The following CTNNA2 variants were observed in gnomAD, a reference collection of about 807,000 sequenced individuals.
CTNNA2 encodes the protein catenin alpha-2.
CTNNA2 carries 42 observed loss-of-function variants against 101.0 expected under a neutral mutation model. The ratio of observed to expected loss-of-function variants is 0.42; its 90% CI spans 0.32 to 0.54. CTNNA2 has a LOEUF of 0.54. Ranked by LOEUF, CTNNA2 falls within the 20% of genes least tolerant of loss-of-function variation. The probability of loss-of-function intolerance (pLI) is 0.14; values close to 1 mark genes in which losing one functional copy is unlikely to be tolerated. For synonymous variants in CTNNA2, 450 were observed against 456.4 expected (o/e 0.99, Z 0.18); for missense variants, 871 against 1,223.1 (o/e 0.71, Z 4.29).
intron 1 of CTNNA2, among the ~76,000 whole-genome samples, chr2:79,192,082 T>C (rs1431279990): frequency 6.6e-6 from 1 of 150,652 alleles, no homozygotes; most frequent in Non-Finnish European, 1.5e-5. Context: ...TATTCCTTCT[T>C]TTTTTTTTCC....
chr2:80,215,471 C>G (rs530891727), intron 7 of CTNNA2, among the ~76,000 whole-genome samples: 18 of 152,268 alleles, frequency 1.2e-4, no homozygotes, highest in African/African-American at 4.1e-4. Context: ...TGTTAGTTTT[C>G]CTTCTAACAG....
chr2:80,099,652 A>G (rs1352694865), intron 7 of CTNNA2, among the ~76,000 whole-genome samples: 1 of 152,046 alleles, frequency 6.6e-6, no homozygotes, highest in Non-Finnish European at 1.5e-5. Flanking sequence ...CAGATTGCAG[A>G]TCAGTTTAGA....
At chr2:80,031,808 A>T (rs1419485544) in intron 7 of CTNNA2, among the ~76,000 whole-genome samples, 1 of 152,236 alleles carries the variant, frequency 6.6e-6, no homozygotes, top group South Asian at 2.1e-4. Context: ...TGTTTAAATA[A>T]TTCTAATTGA....
chr2:79,793,763 C>G (rs997093470), intron 3 of CTNNA2, among the ~76,000 whole-genome samples: 2 of 152,074 alleles, frequency 1.3e-5, no homozygotes, highest in African/African-American at 4.8e-5. Flanking sequence ...TGGGCCAACC[C>G]AAATTATAGT....
chr2:79,684,518 T>C lies in CTNNA2; in HGVS notation c.102+32860T>C, dbSNP rs927375235. ...TTAAACTATTTTCAGACATAATGTATGTAAAGTGCTTAGCAAATACTCTGG... is the reference window on the plus strand; with the variant it reads ...TTAAACTATTTTCAGACATAATGTACGTAAAGTGCTTAGCAAATACTCTGG... On this transcript the variant is annotated intron_variant, in intron 2 of 18. Coordinates refer to ENST00000402739, the MANE Select transcript of CTNNA2 (RefSeq NM_001282597.3). 1.1e-4 allele frequency among the ~76,000 whole-genome samples: 17 copies of C among 152,200 alleles called. 1 individual carries two copies. Among genetic ancestry groups the C allele is most frequent in the African/African-American group, 4.1e-4 (17 of 41,454 alleles).
chr2:79,277,569 GC>G (rs1675245392), intron 2 of CTNNA2, among the ~76,000 whole-genome samples: 1 of 152,046 alleles, frequency 6.6e-6, no homozygotes, highest in African/African-American at 2.4e-5. Context: ...CAACCCATGT[GC>G]CTATGTTATG....
At chr2:79,535,309 A>C (rs1672987768) in intron 1 of CTNNA2, among the ~76,000 whole-genome samples, 1 of 151,924 alleles carries the variant, frequency 6.6e-6, no homozygotes, top group African/African-American at 2.4e-5. Context: ...GGTTCAAGTG[A>C]TTCTCCTGCC....
At chr2:80,101,387 C>A (rs1348263437) in intron 7 of CTNNA2, among the ~76,000 whole-genome samples, 1 of 152,154 alleles carries the variant, frequency 6.6e-6, no homozygotes, top group Non-Finnish European at 1.5e-5. Flanking sequence ...TCTGCCAAAC[C>A]ATCTCACACT....
intron 7 of CTNNA2, among the ~76,000 whole-genome samples, chr2:80,190,318 G>C (rs776531521): frequency 6.5e-4 from 99 of 152,066 alleles, no homozygotes; most frequent in Non-Finnish European, 2.1e-4. Context: ...GTGGTGGCAG[G>C]CTGGACCAGA....
In CTNNA2 at chr2:80,348,286, A is replaced by G. The variant is rs139258134; in HGVS notation, c.1057-44925A>G. On this transcript the variant is annotated intron_variant, in intron 7 of 18. Coordinates refer to ENST00000402739, the MANE Select transcript of CTNNA2 (RefSeq NM_001282597.3). ...TCTGCTTATTTGAAAATTGATGGATAGCTTTGGTTTATATGGTTATTCTAG... is the reference window on the plus strand; with the variant it reads ...TCTGCTTATTTGAAAATTGATGGATGGCTTTGGTTTATATGGTTATTCTAG... Among the ~76,000 whole-genome samples the G allele has an allele frequency of 2.3e-3, 346 of 152,318 alleles. 2 individuals carry two copies. Among genetic ancestry groups the G allele is most frequent in the African/African-American group, 7.8e-3 (326 of 41,576 alleles).
intron 1 of CTNNA2, among the ~76,000 whole-genome samples, chr2:79,552,301 T>G (rs1674155953): frequency 6.6e-6 from 1 of 152,142 alleles, no homozygotes; most frequent in African/African-American, 2.4e-5. Flanking sequence ...CTCCTTTGAC[T>G]CCGTGTCTCA....
At chr2:79,693,162 TGAA>T (rs1448349200) in intron 2 of CTNNA2, among the ~76,000 whole-genome samples, 1 of 151,996 alleles carries the variant, frequency 6.6e-6, no homozygotes, top group East Asian at 1.9e-4. Flanking sequence ...ATTTTTACAC[TGAA>T]GAAGAACAAT....
At chr2:79,289,919 C>T (rs1405458806) in intron 2 of CTNNA2, among the ~76,000 whole-genome samples, 1 of 152,132 alleles carries the variant, frequency 6.6e-6, no homozygotes, top group African/African-American at 2.4e-5. Context: ...AGCTGGAGAA[C>T]TTTGGCCCAG....
rs368613883 is a variant in CTNNA2, at chr2:79,707,798, G to C, written c.103-36589G>C. Among the ~76,000 whole-genome samples the C allele has an allele frequency of 2.0e-5, 3 of 152,152 alleles. No homozygotes were observed. In the East Asian group the frequency reaches 5.8e-4, roughly 29 times the overall value. On this transcript the variant is annotated intron_variant, in intron 2 of 18. Coordinates refer to ENST00000402739, the MANE Select transcript of CTNNA2 (RefSeq NM_001282597.3). ...GTGAGGTCGTGGAAATAGATATCTT[G>C]CAGCCAACTCTTCCTTTTGACAATT... is the stretch of plus-strand genomic sequence containing the variant.
chr2:79,264,470 C>T (rs553208351), intron 2 of CTNNA2, among the ~76,000 whole-genome samples: 1 of 152,142 alleles, frequency 6.6e-6, no homozygotes, highest in South Asian at 2.1e-4. Flanking sequence ...ATAGTACATA[C>T]TCCATATCTC....
At chr2:79,691,515 A>G (rs1684298606) in intron 2 of CTNNA2, among the ~76,000 whole-genome samples, 1 of 152,064 alleles carries the variant, frequency 6.6e-6, no homozygotes, top group Non-Finnish European at 1.5e-5. Context: ...AATTAGAAAA[A>G]AAAAACTACT....
At chr2:80,235,450 G>T (rs1031049686) in intron 7 of CTNNA2, among the ~76,000 whole-genome samples, 1 of 152,190 alleles carries the variant, frequency 6.6e-6, no homozygotes, top group Non-Finnish European at 1.5e-5. Context: ...CAAGTGTGGG[G>T]CTGCCTGGCT....
At chr2:80,260,256 G>A (rs556199011) in intron 7 of CTNNA2, among the ~76,000 whole-genome samples, 2 of 152,114 alleles carry the variant, frequency 1.3e-5, no homozygotes, top group Non-Finnish European at 2.9e-5. Context: ...AATAAGCAAC[G>A]ACCTGGAAGA....
intron 2 of CTNNA2, among the ~76,000 whole-genome samples, chr2:79,277,389 A>G (rs776496080): frequency 6.6e-6 from 1 of 152,074 alleles, no homozygotes; most frequent in Non-Finnish European, 1.5e-5. Context: ...AATATCAGCC[A>G]TAGGTGATTC....
Sources: allele counts gnomAD v4.1 joint callset (sites outside exome capture counted in the v4.1 genomes callset), GRCh38; gene constraint gnomAD v4.1.1; transcripts MANE v1.5; gene names NCBI Gene and HGNC (gene_info 2026-07-23, HGNC 2026-07-21).